The following LCORL variants were observed in gnomAD, a reference collection of about 807,000 sequenced individuals.
LCORL encodes ligand-dependent nuclear receptor corepressor-like protein.
In LCORL, 41 loss-of-function variants were observed where a neutral mutation model predicts 141.8. The observed-to-expected ratio is 0.29, with a 90% CI of 0.23 to 0.38. LCORL has a LOEUF of 0.38. Among genes scored for constraint, LCORL ranks in the 10% least tolerant of loss-of-function variants. LCORL has a pLI of 1.00. For synonymous variants in LCORL, 618 were observed against 694.1 expected (o/e 0.89, Z 1.72); for missense variants, 1,759 against 2,035.0 (o/e 0.86, Z 2.61).
exon 3 of LCORL, chr4:17,962,973 G>T: frequency 6.4e-7 from 1 of 1,559,920 alleles, no homozygotes; most frequent in South Asian, 1.2e-5. Context: ...AACTTACACT[G>T]ACTGCTTCTC....
intron 1 of LCORL, among the ~76,000 whole-genome samples, chr4:18,019,975 T>C (rs1725227493): frequency 6.6e-6 from 1 of 152,232 alleles, no homozygotes; most frequent in Non-Finnish European, 1.5e-5. Flanking sequence ...TTACACTTCA[T>C]AAACTAAAAT....
chr4:17,939,640 G>A (rs1004498944), intron 4 of LCORL, among the ~76,000 whole-genome samples: 1 of 152,064 alleles, frequency 6.6e-6, no homozygotes, highest in Non-Finnish European at 1.5e-5. Context: ...GAGTAGGAAA[G>A]TGTCAATGGC....
intron 4 of LCORL, among the ~76,000 whole-genome samples, chr4:17,923,913 C>G (rs1286322024): frequency 6.6e-6 from 1 of 151,838 alleles, no homozygotes; most frequent in African/African-American, 2.4e-5. Context: ...ATGATTCTTC[C>G]AAGTCCATGC....
At chr4:17,905,662 T>G (rs568636289) in intron 5 of LCORL, among the ~76,000 whole-genome samples, 1 of 152,220 alleles carries the variant, frequency 6.6e-6, no homozygotes, top group South Asian at 2.1e-4. Context: ...CATAAACTTA[T>G]GGTTTATACT....
intron 1 of LCORL, among the ~76,000 whole-genome samples, chr4:18,012,416 G>C (rs772153038): frequency 2.0e-5 from 3 of 152,152 alleles, no homozygotes; most frequent in Non-Finnish European, 4.4e-5. Flanking sequence ...TCAGTTCCAA[G>C]CCAAGTTCCT....
chr4:17,948,994 G>A (rs1418865589), intron 4 of LCORL, among the ~76,000 whole-genome samples: 1 of 151,988 alleles, frequency 6.6e-6, no homozygotes, highest in Non-Finnish European at 1.5e-5. Flanking sequence ...GCAAATTAAG[G>A]GGTTTAACAG....
At chr4:17,995,974 A>T (rs1720864659) in intron 1 of LCORL, among the ~76,000 whole-genome samples, 1 of 152,146 alleles carries the variant, frequency 6.6e-6, no homozygotes, top group Non-Finnish European at 1.5e-5. Context: ...TATATTGAAA[A>T]TTTAATTATT....
chr4:17,952,478 C>T (rs1021282138), intron 4 of LCORL, among the ~76,000 whole-genome samples: 6 of 148,850 alleles, frequency 4.0e-5, no homozygotes, highest in East Asian at 2.0e-4. Flanking sequence ...TGCAGTGGCG[C>T]GATCTCGGCT....
At chr4:17,894,145 T>C (rs1028544270) in intron 5 of LCORL, among the ~76,000 whole-genome samples, 3 of 152,174 alleles carry the variant, frequency 2.0e-5, no homozygotes, top group African/African-American at 7.2e-5. Flanking sequence ...ATGATGGGGC[T>C]ATGTCTTGAT....
At chr4:17,897,613 T>TG (rs1277284539) in intron 5 of LCORL, among the ~76,000 whole-genome samples, 1 of 152,160 alleles carries the variant, frequency 6.6e-6, no homozygotes, top group African/African-American at 2.4e-5. Flanking sequence ...CTACTAACTC[T>TG]GGGGGACACT....
At position 18,021,378 on chromosome 4, in the gene LCORL, C is replaced by T. The variant is rs978983184; in HGVS notation, c.154+220G>A. 3.2e-4 allele frequency among the ~76,000 whole-genome samples: 48 copies of T among 152,102 alleles called. No homozygotes were observed. Among genetic ancestry groups the T allele is most frequent in the African/African-American group, 1.2e-3 (48 of 41,436 alleles). ...TCCAAACTAACAGTTCCCGGGGAGC[C>T]CAAGAGCTGGGAAGGCGAAGGAGCG... On this transcript the variant is annotated intron_variant, in intron 1 of 7. Coordinates refer to ENST00000635767, the Ensembl canonical transcript of LCORL. The surrounding 1 kb of genome is among the most constrained non-coding windows in gnomAD (Gnocchi z 5.5).
At chr4:17,888,609 T>C (rs1728637398) in intron 5 of LCORL, among the ~76,000 whole-genome samples, 2 of 152,176 alleles carry the variant, frequency 1.3e-5, no homozygotes. Context: ...GACAGCATCC[T>C]ATAATACTTA....
At chr4:18,013,130 C>T (rs750768060) in intron 1 of LCORL, among the ~76,000 whole-genome samples, 8 of 152,092 alleles carry the variant, frequency 5.3e-5, no homozygotes, top group Non-Finnish European at 7.4e-5. Flanking sequence ...CTCATCAACA[C>T]GTAACAATCC....
intron 2 of LCORL, among the ~76,000 whole-genome samples, chr4:17,969,988 C>T (rs576441741): frequency 8.7e-4 from 132 of 152,214 alleles, no homozygotes; most frequent in African/African-American, 3.0e-3. Flanking sequence ...TTCGTATGTA[C>T]TTTCAGCTTT....
chr4:17,845,474 G>A, exon 8 of LCORL: 2 of 328,246 alleles, frequency 6.1e-6, no homozygotes, highest in Non-Finnish European at 1.1e-5. Flanking sequence ...TAAACTTAGG[G>A]CATAAAAAAT....
At chr4:17,921,974 G>A (rs907493233) in intron 4 of LCORL, among the ~76,000 whole-genome samples, 1 of 152,170 alleles carries the variant, frequency 6.6e-6, no homozygotes, top group African/African-American at 2.4e-5. Flanking sequence ...TGGTTTGACA[G>A]GGGCTCTCAG....
intron 4 of LCORL, among the ~76,000 whole-genome samples, chr4:17,949,791 G>C (rs754325870): frequency 6.6e-6 from 1 of 152,230 alleles, no homozygotes; most frequent in South Asian, 2.1e-4. Context: ...TTCAGTAAAA[G>C]AGTTGAGTTT....
intron 1 of LCORL, among the ~76,000 whole-genome samples, chr4:18,007,484 T>C (rs1240975916): frequency 6.6e-6 from 1 of 152,188 alleles, no homozygotes; most frequent in Non-Finnish European, 1.5e-5. Flanking sequence ...ACAAATTTAA[T>C]ACTGTATATG....
chr4:17,959,788 G>A (rs111533975), intron 4 of LCORL, among the ~76,000 whole-genome samples: 1 of 151,928 alleles, frequency 6.6e-6, no homozygotes, highest in African/African-American at 2.4e-5. Flanking sequence ...CCCTAAAAAT[G>A]ATTGCATTTG....
Sources: gnomAD v4.1 joint callset for allele counts (sites outside exome capture counted in the v4.1 genomes callset) on GRCh38, gnomAD v4.1.1 for gene constraint, Gnocchi (gnomAD v3.1) non-coding constraint, MANE v1.5 for transcripts, NCBI Gene and HGNC (gene_info 2026-07-23, HGNC 2026-07-21) for gene names.